KLF12: variants seen among roughly 807,000 people sequenced by gnomAD.
KLF12 encodes Krueppel-like factor 12.
In KLF12, 9 loss-of-function variants were observed where a neutral mutation model predicts 37.8. That is an observed-to-expected ratio of 0.24 (90% CI 0.14 to 0.42). The LOEUF (loss-of-function observed/expected upper bound fraction) is 0.42, where lower values mean the gene tolerates loss of function less well. Among genes scored for constraint, KLF12 ranks in the 10% least tolerant of loss-of-function variants. The pLI is 1.00. For missense variants in KLF12, 411 were observed against 516.0 expected (o/e 0.80, Z 1.97); for synonymous variants, 208 against 202.1 (o/e 1.03, Z -0.25).
At chr13:73,863,706 T>C (rs1012899424) in intron 3 of KLF12, among the ~76,000 whole-genome samples, 2 of 152,134 alleles carry the variant, frequency 1.3e-5, no homozygotes, top group Non-Finnish European at 2.9e-5. Context: ...GTTCATCTGG[T>C]GCAGACAGGC....
chr13:74,265,672 G>C, the KLF12 span, among the ~76,000 whole-genome samples: 1 of 152,250 alleles, frequency 6.6e-6, no homozygotes, highest in Middle Eastern at 3.4e-3. Flanking sequence ...TCTCACTGTA[G>C]GCATAGTGGG....
At chr13:74,194,146 T>A in the KLF12 span, among the ~76,000 whole-genome samples, 1 of 152,236 alleles carries the variant, frequency 6.6e-6, no homozygotes, top group Admixed American at 6.5e-5. Flanking sequence ...GACAGGTGCA[T>A]GATATATAAC....
intron 4 of KLF12, among the ~76,000 whole-genome samples, chr13:73,820,316 G>GTGGCA (rs1389076104): frequency 1.3e-5 from 2 of 152,174 alleles, no homozygotes; most frequent in African/African-American, 4.8e-5. Flanking sequence ...CAAGGTCTAT[G>GTGGCA]TGGCACGTCC....
At chr13:73,914,650 G>C (rs954733735) in intron 3 of KLF12, among the ~76,000 whole-genome samples, 1 of 152,184 alleles carries the variant, frequency 6.6e-6, no homozygotes. Context: ...TTCTTCAACA[G>C]GAAAAAATGC....
chr13:73,812,458 T>C (rs1263886430), intron 5 of KLF12, among the ~76,000 whole-genome samples: 1 of 151,924 alleles, frequency 6.6e-6, no homozygotes, highest in Non-Finnish European at 1.5e-5. Context: ...ACTATGTACA[T>C]GTATGTTAAA....
the KLF12 span, among the ~76,000 whole-genome samples, chr13:74,214,694 G>A: frequency 2.0e-5 from 3 of 151,150 alleles, no homozygotes; most frequent in Admixed American, 2.0e-4. Context: ...ACAATATTCT[G>A]TTTATCCCTA....
chr13:74,184,941 T>C, the KLF12 span, among the ~76,000 whole-genome samples: 4 of 152,226 alleles, frequency 2.6e-5, no homozygotes, highest in East Asian at 7.7e-4. Context: ...CATTTTACTA[T>C]TGAAGTACAA....
chr13:74,018,470 A>T (rs1393039305), intron 1 of KLF12, among the ~76,000 whole-genome samples: 1 of 152,228 alleles, frequency 6.6e-6, no homozygotes, highest in Non-Finnish European at 1.5e-5. Flanking sequence ...AACAGTAACT[A>T]TGTGAGGTAA....
In KLF12 at chr13:74,128,586, C is replaced by T. The variant is rs1878078586; in HGVS notation, c.-32+5153G>A. On this transcript the variant is annotated intron_variant, in intron 1 of 7. Coordinates refer to ENST00000377669, the MANE Select transcript of KLF12 (RefSeq NM_007249.5). ...AGCAAGCAAGAGAGTAAGAATCGAA[C>T]TGAGATATTTCTGCCACTGAAATTA... Among the ~76,000 whole-genome samples the T allele has an allele frequency of 2.0e-5, 3 of 152,170 alleles. No homozygotes were observed. In the South Asian group the frequency reaches 6.2e-4, roughly 32 times the overall value.
intron 4 of KLF12, among the ~76,000 whole-genome samples, chr13:73,820,489 T>C (rs961462927): frequency 2.4e-4 from 36 of 152,318 alleles, no homozygotes; most frequent in African/African-American, 7.9e-4. Flanking sequence ...AGATTAGAAA[T>C]AGCTCTCCAG....
intron 2 of KLF12, among the ~76,000 whole-genome samples, chr13:73,949,241 C>T (rs1890557599): frequency 6.6e-6 from 1 of 152,008 alleles, no homozygotes; most frequent in Admixed American, 6.6e-5. Context: ...ACTCCTAATA[C>T]AATAGAAAAA....
chr13:74,143,623 TG>T, the KLF12 span, among the ~76,000 whole-genome samples: 2 of 152,214 alleles, frequency 1.3e-5, no homozygotes, highest in Admixed American at 1.3e-4. Flanking sequence ...CAAGCACTCC[TG>T]GTTCTCCTTC....
intron 1 of KLF12, among the ~76,000 whole-genome samples, chr13:74,035,198 A>G: frequency 6.6e-6 from 1 of 152,222 alleles, no homozygotes. Context: ...GTATTTGCAT[A>G]TAACCTATGC....
At chr13:74,274,230 T>C in the KLF12 span, among the ~76,000 whole-genome samples, 1 of 152,160 alleles carries the variant, frequency 6.6e-6, no homozygotes, top group East Asian at 1.9e-4. Flanking sequence ...CTCCTAGCCT[T>C]AGTGAAGATG....
intron 5 of KLF12, among the ~76,000 whole-genome samples, chr13:73,811,614 C>T (rs1882945593): frequency 1.3e-5 from 2 of 152,094 alleles, no homozygotes; most frequent in South Asian, 4.1e-4. Flanking sequence ...CACCTCGTAG[C>T]TGTATCAAAA....
chr13:73,818,290 C>G (rs1022438482), intron 4 of KLF12, among the ~76,000 whole-genome samples: 4 of 152,356 alleles, frequency 2.6e-5, no homozygotes, highest in African/African-American at 9.6e-5. Context: ...GGATTACAGG[C>G]GACAGCCACT....
the KLF12 span, among the ~76,000 whole-genome samples, chr13:74,252,692 C>A: frequency 6.6e-6 from 1 of 152,170 alleles, no homozygotes; most frequent in Non-Finnish European, 1.5e-5. Flanking sequence ...GCAAATTCTG[C>A]CCTTTAAACT....
chr13:74,124,878 G>A (rs922507088), intron 1 of KLF12, among the ~76,000 whole-genome samples: 24 of 152,136 alleles, frequency 1.6e-4, no homozygotes, highest in African/African-American at 4.6e-4. Context: ...AAACTGGGCC[G>A]CGTATGTTGG....
intron 2 of KLF12, among the ~76,000 whole-genome samples, chr13:73,952,722 G>A (rs1890690281): frequency 6.6e-6 from 1 of 152,168 alleles, no homozygotes; most frequent in African/African-American, 2.4e-5. Flanking sequence ...AAAGTGTATG[G>A]GCATCACATA....
Sources: gnomAD v4.1 joint callset for allele counts (sites outside exome capture counted in the v4.1 genomes callset) on GRCh38, gnomAD v4.1.1 for gene constraint, MANE v1.5 for transcripts, NCBI Gene and HGNC (gene_info 2026-07-23, HGNC 2026-07-21) for gene names.